Variants in KALRN observed in about 807,000 individuals in gnomAD.
The protein encoded by KALRN is kalirin RhoGEF kinase.
KALRN carries 70 observed loss-of-function variants against 353.7 expected under a neutral mutation model. The observed-to-expected ratio is 0.20, with a 90% CI of 0.16 to 0.24. The LOEUF is 0.24. KALRN is among the 10% of genes least tolerant of loss of function. The pLI is 1.00. For missense variants in KALRN, 2,791 were observed against 3,756.7 expected (o/e 0.74, Z 6.72); for synonymous variants, 1,391 against 1,434.8 (o/e 0.97, Z 0.69).
intron 1 of KALRN, among the ~76,000 whole-genome samples, chr3:124,101,706 C>G (rs2061877088): frequency 6.6e-6 from 1 of 152,166 alleles, no homozygotes. Context: ...TTTCTGGCTC[C>G]TCATCTTCTA....
chr3:124,422,261 A>G (rs1342808458), intron 14 of KALRN, among the ~76,000 whole-genome samples: 1 of 152,196 alleles, frequency 6.6e-6, no homozygotes. Context: ...GGCTAATAAA[A>G]TCACCACTGT....
At chr3:124,163,888 T>C in intron 1 of KALRN, 1 of 985,496 alleles carries the variant, frequency 1.0e-6, no homozygotes, top group Non-Finnish European at 1.2e-6. Context: ...CAAGTCACTG[T>C]TGACTCAGTT....
intron 3 of KALRN, among the ~76,000 whole-genome samples, chr3:124,243,016 A>G (rs2080682899): frequency 1.3e-5 from 2 of 152,222 alleles, no homozygotes; most frequent in South Asian, 4.1e-4. Context: ...CCCCGAGCTT[A>G]ATGCCTACAT....
chr3:124,054,509 A>T (rs2149171378), intron 1 of KALRN, among the ~76,000 whole-genome samples: 1 of 152,220 alleles, frequency 6.6e-6, no homozygotes, highest in Non-Finnish European at 1.5e-5. Flanking sequence ...TCCAGTCCTG[A>T]CACTTCCCTG....
chr3:124,674,684 A>T, intron 49 of KALRN, 70 bp downstream of exon 49: 1 of 1,429,122 alleles, frequency 7.0e-7, no homozygotes. Flanking sequence ...AAACAAAAGA[A>T]CACAAAAATG....
chr3:124,323,430 C>A (rs368751839), intron 6 of KALRN, among the ~76,000 whole-genome samples: 4 of 152,160 alleles, frequency 2.6e-5, no homozygotes, highest in Non-Finnish European at 5.9e-5. Context: ...GGAATCCTAT[C>A]TTATTCCTCT....
intron 1 of KALRN, among the ~76,000 whole-genome samples, chr3:124,203,822 C>CA (rs2076161328): frequency 1.3e-5 from 2 of 152,326 alleles, no homozygotes; most frequent in Admixed American, 1.3e-4. Context: ...ACCTTACACT[C>CA]AGAGTCCTGC....
At chr3:124,278,493 C>T (rs1374267376) in intron 5 of KALRN, among the ~76,000 whole-genome samples, 1 of 114,516 alleles carries the variant, frequency 8.7e-6, no homozygotes, top group African/African-American at 3.2e-5. Flanking sequence ...GTGTGTGGTG[C>T]AGGGCAGTAA....
intron 28 of KALRN, among the ~76,000 whole-genome samples, chr3:124,485,484 T>C (rs1198927188): frequency 6.6e-6 from 1 of 152,150 alleles, no homozygotes; most frequent in Non-Finnish European, 1.5e-5. Flanking sequence ...TGTTCGGGAA[T>C]TGAGTGTTTT....
intron 2 of KALRN, among the ~76,000 whole-genome samples, chr3:124,228,953 C>G (rs532874325): frequency 6.6e-6 from 1 of 152,206 alleles, no homozygotes; most frequent in Non-Finnish European, 1.5e-5. Context: ...TCTCCTCTTG[C>G]ATCTGTGTCA....
chr3:124,637,070 T>C, intron 36 of KALRN, 138 bp from the exon 37 acceptor site: 1 of 701,650 alleles, frequency 1.4e-6, no homozygotes, highest in Non-Finnish European at 2.6e-6. Flanking sequence ...CTCTTCTCCC[T>C]CTGTCACCTC....
chr3:124,332,220 G>A (rs2080648132), intron 8 of KALRN, among the ~76,000 whole-genome samples: 1 of 152,068 alleles, frequency 6.6e-6, no homozygotes, highest in East Asian at 1.9e-4. Flanking sequence ...ACCCTGCCCT[G>A]AAAGCATTTC....
At chr3:124,123,075 C>T (rs1232886234) in intron 1 of KALRN, among the ~76,000 whole-genome samples, 1 of 152,002 alleles carries the variant, frequency 6.6e-6, no homozygotes, top group Non-Finnish European at 1.5e-5. Context: ...GTGGCACGTG[C>T]CTGTAATCCC....
intron 2 of KALRN, among the ~76,000 whole-genome samples, chr3:124,230,362 C>T (rs141462283): frequency 9.0e-4 from 137 of 152,286 alleles, no homozygotes; most frequent in African/African-American, 3.2e-3. Context: ...TCCAGGAGAC[C>T]TTCCTGGATC....
chr3:124,715,015 C>CAAA (rs57167927), intron 58 of KALRN, among the ~76,000 whole-genome samples: 1 of 126,734 alleles, frequency 7.9e-6, no homozygotes, highest in Non-Finnish European at 1.7e-5. Context: ...GACTCCATCT[C>CAAA]AAAAAAAAAA....
intron 17 of KALRN, among the ~76,000 whole-genome samples, chr3:124,436,206 G>A (rs1334835313): frequency 6.6e-6 from 1 of 152,182 alleles, no homozygotes; most frequent in Admixed American, 6.5e-5. Context: ...GTTAATTTGA[G>A]ATGGATCAAG....
At chr3:124,389,334 C>T (rs1162205121) in intron 11 of KALRN, among the ~76,000 whole-genome samples, 1 of 152,152 alleles carries the variant, frequency 6.6e-6, no homozygotes, top group East Asian at 1.9e-4. Flanking sequence ...ACTCCCCAGG[C>T]TAAAGTTCAT....
chr3:124,390,247 G>A (rs1209029368), intron 11 of KALRN, among the ~76,000 whole-genome samples: 1 of 152,102 alleles, frequency 6.6e-6, no homozygotes, highest in African/African-American at 2.4e-5. Context: ...GTAGTCACTG[G>A]GCTTTCAAAA....
chr3:124,361,921 C>T (rs2084089261), intron 10 of KALRN, among the ~76,000 whole-genome samples: 1 of 151,962 alleles, frequency 6.6e-6, no homozygotes, highest in Non-Finnish European at 1.5e-5. Context: ...CTTTCTTCCT[C>T]CTTCTCCTCT....
Sources: gnomAD v4.1 joint callset for allele counts (sites outside exome capture counted in the v4.1 genomes callset) on GRCh38, gnomAD v4.1.1 for gene constraint, MANE v1.5 for transcripts, NCBI Gene and HGNC (gene_info 2026-07-23, HGNC 2026-07-21) for gene names.